The following DDX50 variants were observed in gnomAD, a reference collection of about 807,000 sequenced individuals.
The protein encoded by DDX50 is ATP-dependent RNA helicase DDX50.
In DDX50, 56 loss-of-function variants were observed where a neutral mutation model predicts 94.8. That is an observed-to-expected ratio of 0.59 (90% confidence interval 0.48 to 0.74). The LOEUF is 0.74. Among genes scored for constraint, DDX50 ranks in the 30% least tolerant of loss-of-function variants. The probability of loss-of-function intolerance (pLI) is 0.00; values close to 1 mark genes in which losing one functional copy is unlikely to be tolerated. For missense variants in DDX50, 713 were observed against 881.2 expected (o/e 0.81, Z 2.42); for synonymous variants, 264 against 295.4 (o/e 0.89, Z 1.09).
chr10:68,937,579 T>C (rs927329935), intron 12 of DDX50, among the ~76,000 whole-genome samples: 1 of 140,386 alleles, frequency 7.1e-6, no homozygotes, highest in Non-Finnish European at 1.5e-5. Context: ...TTTATAACTT[T>C]ATAAGTTTTT....
chr10:68,908,906 A>G (rs1328074239), intron 2 of DDX50, among the ~76,000 whole-genome samples: 1 of 152,196 alleles, frequency 6.6e-6, no homozygotes, highest in Non-Finnish European at 1.5e-5. Flanking sequence ...TTGGCCTCCC[A>G]AAGTGCTGGG....
chr10:68,913,129 A>T (rs1841680476), intron 4 of DDX50, 33 bp from the exon 5 acceptor site: 1 of 1,537,344 alleles, frequency 6.5e-7, no homozygotes, highest in African/African-American at 1.4e-5. Context: ...TCTTTAGAAA[A>T]GTATCTTTTT....
chr10:68,908,451 CAAAAAA>C (rs71223162), intron 2 of DDX50, among the ~76,000 whole-genome samples: 13 of 43,710 alleles, frequency 3.0e-4, no homozygotes, highest in African/African-American at 1.1e-3. Flanking sequence ...AACTCCATCT[CAAAAAA>C]AAAAAAAAAA....
chr10:68,915,589 A>G (rs940012017), intron 7 of DDX50, among the ~76,000 whole-genome samples: 4 of 149,148 alleles, frequency 2.7e-5, no homozygotes, highest in Non-Finnish European at 5.9e-5. Flanking sequence ...GGTGACCCGC[A>G]CCTGTAATCC....
intron 4 of DDX50, among the ~76,000 whole-genome samples, chr10:68,912,562 T>G (rs929450626): frequency 6.6e-6 from 1 of 152,154 alleles, no homozygotes; most frequent in African/African-American, 2.4e-5. Flanking sequence ...TTACTGGAGA[T>G]TCCAGCTCCG....
At chr10:68,925,094 G>GTTTTTTTTTT (rs752888119) in intron 8 of DDX50, among the ~76,000 whole-genome samples, 4 of 89,034 alleles carry the variant, frequency 4.5e-5, no homozygotes, top group African/African-American at 1.6e-4. Flanking sequence ...CCCTGCTCAT[G>GTTTTTTTTTT]GTTTTTTTTT....
chr10:68,930,249 C>T (rs1394551016), intron 8 of DDX50, among the ~76,000 whole-genome samples: 1 of 151,212 alleles, frequency 6.6e-6, no homozygotes, highest in African/African-American at 2.4e-5. Flanking sequence ...TCCTGAGTAG[C>T]TGGGATTACA....
Position 68,910,342 on chromosome 10 carries a change from C to T in DDX50, c.420C>T (p.Ser140=), listed in dbSNP as rs1841590454. ...LTREQKEGAF[S]NFPISEETIK... is the part of the protein sequence containing the mutation. ...GTGAACAGAAAGAAGGAGCCTTCTC[C>T]AATTTTCCTATTTCTGAAGAGACTA... The change falls in exon 3 of 15, where the codon TCC becomes TCT. Residue 140 remains serine (S), a synonymous_variant. Coordinates refer to ENST00000373585, the MANE Select transcript of DDX50 (RefSeq NM_024045.2). 1.9e-6 allele frequency: 3 copies of T among 1,606,624 alleles called. No individual in the cohort carries two copies. Among genetic ancestry groups the T allele is most frequent in the Non-Finnish European group, 2.5e-6 (3 of 1,178,314 alleles).
chr10:68,915,427 G>GA (rs983469956), intron 7 of DDX50, among the ~76,000 whole-genome samples: 6 of 137,772 alleles, frequency 4.4e-5, no homozygotes, highest in Non-Finnish European at 9.5e-5. Context: ...AAAAATAAAA[G>GA]AAAAAAAAGG....
chr10:68,908,047 ATGTC>A (rs1191146038), intron 2 of DDX50, among the ~76,000 whole-genome samples: 6 of 152,202 alleles, frequency 3.9e-5, no homozygotes, highest in Admixed American at 2.6e-4. Flanking sequence ...AACATCCTAA[ATGTC>A]TGATAGTAGA....
At chr10:68,913,141 T>G in intron 4 of DDX50, 21 bp from the exon 5 acceptor site, 1 of 1,569,022 alleles carries the variant, frequency 6.4e-7, no homozygotes, top group Non-Finnish European at 8.6e-7. Flanking sequence ...TATCTTTTTG[T>G]TTTTTAAACC....
chr10:68,916,179 C>T (rs1254764592), intron 7 of DDX50, among the ~76,000 whole-genome samples: 3 of 151,818 alleles, frequency 2.0e-5, no homozygotes, highest in Non-Finnish European at 2.9e-5. Flanking sequence ...CATAATGAAA[C>T]CCTTTCTCTA....
At chr10:68,941,402 ATC>A (rs1238482375) in intron 13 of DDX50, among the ~76,000 whole-genome samples, 1 of 152,200 alleles carries the variant, frequency 6.6e-6, no homozygotes, top group African/African-American at 2.4e-5. Flanking sequence ...CAGTTTGACT[ATC>A]TAATACCCAA....
In DDX50 at chr10:68,943,267, A is replaced by G. The variant is rs367938434; in HGVS notation, c.1935+10A>G. On this transcript the variant is annotated intron_variant, in intron 14 of 14. Coordinates refer to ENST00000373585, the MANE Select transcript of DDX50 (RefSeq NM_024045.2). The stretch of plus-strand genomic sequence containing the variant: ...GTCAGAAAGGTTACAGGTATTTTTA[A>G]AATTTTATCTTTTAAATGGTTGAGT... 1.1e-4 allele frequency: 180 copies of G among 1,601,314 alleles called. No homozygotes were observed. The highest frequency in any genetic ancestry group is 1.5e-4 in the Non-Finnish European group (173 of 1,175,632).
At chr10:68,930,243 G>C (rs1310367618) in intron 8 of DDX50, among the ~76,000 whole-genome samples, 1 of 147,418 alleles carries the variant, frequency 6.8e-6, no homozygotes, top group African/African-American at 2.5e-5. Flanking sequence ...TCAGCCTCCT[G>C]AGTAGCTGGG....
At chr10:68,927,037 C>T (rs1842111890) in intron 8 of DDX50, among the ~76,000 whole-genome samples, 1 of 152,054 alleles carries the variant, frequency 6.6e-6, no homozygotes, top group African/African-American at 2.4e-5. Context: ...CTCAGCCTCC[C>T]AACCAGCTGG....
chr10:68,944,049 C>A (rs925446770), intron 14 of DDX50, among the ~76,000 whole-genome samples: 1 of 152,096 alleles, frequency 6.6e-6, no homozygotes, highest in Non-Finnish European at 1.5e-5. Context: ...GAAATAAATT[C>A]TAGGTATTCT....
chr10:68,945,428 T>C (rs1842649268), intron 14 of DDX50, among the ~76,000 whole-genome samples: 1 of 152,134 alleles, frequency 6.6e-6, no homozygotes, highest in East Asian at 1.9e-4. Flanking sequence ...TGCGTCAGCT[T>C]CCCGAGTAAC....
At chr10:68,908,187 A>G (rs111287226) in intron 2 of DDX50, among the ~76,000 whole-genome samples, 2,426 of 152,316 alleles carry the variant, frequency 0.016, 28 homozygotes, top group Non-Finnish European at 0.027. Flanking sequence ...GCAGTGGCTC[A>G]CGCCTGTAAT....
Sources: gnomAD v4.1 joint callset for allele counts (sites outside exome capture counted in the v4.1 genomes callset) on GRCh38, gnomAD v4.1.1 for gene constraint, MANE v1.5 for transcripts, NCBI Gene and HGNC (gene_info 2026-07-23, HGNC 2026-07-21) for gene names.